Variants in CCDC91 observed in about 807,000 individuals in gnomAD.
CCDC91 encodes the protein coiled-coil domain containing 91.
Under a neutral mutation model 63.2 loss-of-function variants are expected in CCDC91, and 48 were observed. The ratio of observed to expected loss-of-function variants is 0.76; its 90% CI spans 0.60 to 0.97. The LOEUF (loss-of-function observed/expected upper bound fraction) is 0.97, where lower values mean the gene tolerates loss of function less well. CCDC91 is among the 50% of genes least tolerant of loss of function. The pLI is 0.00. For synonymous variants in CCDC91, 167 were observed against 165.8 expected (o/e 1.01, Z -0.06); for missense variants, 500 against 494.6 (o/e 1.01, Z -0.10).
intron 12 of CCDC91, among the ~76,000 whole-genome samples, chr12:28,538,074 CT>C (rs555192822): frequency 1.2e-3 from 173 of 142,500 alleles, no homozygotes; most frequent in African/African-American, 4.5e-3. Context: ...TCTTTTTTTT[CT>C]TTTTAGGGGT....
intron 1 of CCDC91, among the ~76,000 whole-genome samples, chr12:28,251,276 A>G (rs1404806115): frequency 6.6e-6 from 1 of 151,868 alleles, no homozygotes; most frequent in Non-Finnish European, 1.5e-5. Context: ...TCTTTATTAG[A>G]CCTTTTTAGA....
At chr12:28,456,740 G>T (rs1950075238) in intron 11 of CCDC91, among the ~76,000 whole-genome samples, 1 of 152,058 alleles carries the variant, frequency 6.6e-6, no homozygotes, top group African/African-American at 2.4e-5. Context: ...GTTTCATGGG[G>T]TTAAAAAATC....
intron 3 of CCDC91, chr12:28,268,524 A>G (rs988746852): frequency 7.1e-6 from 2 of 283,604 alleles, no homozygotes; most frequent in African/African-American, 4.6e-5. Context: ...CTATAATGTT[A>G]GATTCTATAA....
At chr12:28,368,605 TTTTAC>T (rs1944421088) in intron 7 of CCDC91, among the ~76,000 whole-genome samples, 1 of 152,228 alleles carries the variant, frequency 6.6e-6, no homozygotes, top group East Asian at 1.9e-4. Flanking sequence ...TTCTGTCAGT[TTTTAC>T]TTCATGCATT....
intron 6 of CCDC91, among the ~76,000 whole-genome samples, chr12:28,325,877 T>C (rs1351592234): frequency 6.6e-6 from 1 of 152,120 alleles, no homozygotes; most frequent in Non-Finnish European, 1.5e-5. Context: ...TGTTTAATTT[T>C]ATATTTTAAA....
chr12:28,371,288 A>G (rs540039759), intron 7 of CCDC91, among the ~76,000 whole-genome samples: 10 of 152,250 alleles, frequency 6.6e-5, no homozygotes, highest in African/African-American at 2.4e-4. Flanking sequence ...CAGTGGCATT[A>G]TATTCTCATA....
intron 3 of CCDC91, among the ~76,000 whole-genome samples, chr12:28,267,065 CAT>C (rs571755290): frequency 1.2e-4 from 18 of 150,422 alleles, no homozygotes; most frequent in African/African-American, 3.7e-4. Context: ...CACGTATGTA[CAT>C]ATATATATAT....
chr12:28,496,942 A>ATATACATATATATATG (rs1565476832), intron 12 of CCDC91, among the ~76,000 whole-genome samples: 2 of 140,288 alleles, frequency 1.4e-5, no homozygotes, highest in African/African-American at 5.3e-5. Flanking sequence ...ATATATATAT[A>ATATACATATATATATG]CATATATATA....
At chr12:28,409,652 C>CTTGCA (rs1947193922) in intron 8 of CCDC91, among the ~76,000 whole-genome samples, 1 of 152,026 alleles carries the variant, frequency 6.6e-6, no homozygotes, top group Non-Finnish European at 1.5e-5. Flanking sequence ...TGCATTGAGG[C>CTTGCA]TTTTCTTCTA....
intron 12 of CCDC91, among the ~76,000 whole-genome samples, chr12:28,548,295 A>G (rs550157824): frequency 6.6e-6 from 1 of 152,214 alleles, no homozygotes; most frequent in African/African-American, 2.4e-5. Context: ...TTTAAAACAG[A>G]GTCTCACTCT....
chr12:28,410,310 A>T (rs149109469), intron 8 of CCDC91, among the ~76,000 whole-genome samples: 93 of 152,286 alleles, frequency 6.1e-4, no homozygotes, highest in Middle Eastern at 6.8e-3. Flanking sequence ...ATTTCCTATG[A>T]AATCTACTCT....
intron 1 of CCDC91, among the ~76,000 whole-genome samples, chr12:28,245,208 A>G (rs1017440254): frequency 1.4e-4 from 22 of 152,138 alleles, no homozygotes; most frequent in Admixed American, 1.0e-3. Context: ...CACAGTGTTT[A>G]TGGGTCTGTT....
chr12:28,409,652 C>A (rs1338239892), intron 8 of CCDC91, among the ~76,000 whole-genome samples: 1 of 152,026 alleles, frequency 6.6e-6, no homozygotes, highest in Non-Finnish European at 1.5e-5. Flanking sequence ...TGCATTGAGG[C>A]TTTTCTTCTA....
At chr12:28,214,279 G>T (rs1943420423) in intron 1 of CCDC91, among the ~76,000 whole-genome samples, 2 of 152,112 alleles carry the variant, frequency 1.3e-5, no homozygotes, top group Admixed American at 6.5e-5. Flanking sequence ...TGAGAAATTA[G>T]ATTGCTGTTC....
intron 7 of CCDC91, among the ~76,000 whole-genome samples, chr12:28,384,526 T>C (rs904221646): frequency 6.6e-6 from 1 of 152,138 alleles, no homozygotes; most frequent in African/African-American, 2.4e-5. Flanking sequence ...AAAATTTTAA[T>C]AGCATTTGAG....
At chr12:28,461,956 G>A (rs1950329333) in intron 11 of CCDC91, among the ~76,000 whole-genome samples, 1 of 151,942 alleles carries the variant, frequency 6.6e-6, no homozygotes, top group Admixed American at 6.6e-5. Flanking sequence ...TAAGCAGCAG[G>A]TAAACAGATG....
intron 1 of CCDC91, among the ~76,000 whole-genome samples, chr12:28,235,804 T>C (rs1361000903): frequency 6.6e-6 from 1 of 152,034 alleles, no homozygotes; most frequent in Non-Finnish European, 1.5e-5. Flanking sequence ...TATAAGTATT[T>C]TTTTTTTTGG....
In CCDC91 at chr12:28,463,499, G is replaced by A. The variant is rs553102413; in HGVS notation, c.1101+10845G>A. 2.0e-5 allele frequency among the ~76,000 whole-genome samples: 3 copies of A among 152,284 alleles called. No individual in the cohort carries two copies. In the East Asian group the frequency reaches 5.8e-4, roughly 29 times the overall value. ...GAAGCAAGAAAAAGTCTAAACATAAGAATACTCTTTAGAAGTTGCTGGAAT... is the reference window on the plus strand; with the variant it reads ...GAAGCAAGAAAAAGTCTAAACATAAAAATACTCTTTAGAAGTTGCTGGAAT... On this transcript the variant is annotated intron_variant, in intron 11 of 12. Coordinates refer to ENST00000536442, the MANE Select transcript of CCDC91 (RefSeq NM_018318.5).
intron 7 of CCDC91, among the ~76,000 whole-genome samples, chr12:28,373,548 G>T (rs1944753577): frequency 6.6e-6 from 1 of 152,064 alleles, no homozygotes; most frequent in Non-Finnish European, 1.5e-5. Context: ...ATCTTTATCA[G>T]TAGTTCTTAA....
Sources: gnomAD v4.1 joint callset for allele counts (sites outside exome capture counted in the v4.1 genomes callset) on GRCh38, gnomAD v4.1.1 for gene constraint, MANE v1.5 for transcripts, NCBI Gene and HGNC (gene_info 2026-07-23, HGNC 2026-07-21) for gene names.